Variants in RNF128 observed in about 807,000 individuals in gnomAD.
RNF128 encodes the protein E3 ubiquitin-protein ligase RNF128.
A neutral mutation model predicts 26.2 loss-of-function variants in RNF128; 13 were observed. The ratio of observed to expected loss-of-function variants is 0.50; its 90% confidence interval spans 0.32 to 0.79. The LOEUF (loss-of-function observed/expected upper bound fraction) is 0.79, where lower values mean the gene tolerates loss of function less well. Ranked by LOEUF, RNF128 falls within the 30% of genes least tolerant of loss-of-function variation. The pLI is 0.03. For missense variants in RNF128, 315 were observed against 349.7 expected (o/e 0.90, Z 0.79); for synonymous variants, 149 against 142.5 (o/e 1.05, Z -0.32).
chrX:106,776,037 C>CA (rs1211143638), intron 2 of RNF128, among the ~76,000 whole-genome samples: 5 of 111,939 alleles, frequency 4.5e-5, no homozygotes, highest in African/African-American at 1.6e-4. Context: ...TTAAACAGAA[C>CA]AAAAAAGTAT....
At chrX:106,694,290 A>G (rs746445611) in exon 1 of RNF128, 11 of 1,210,875 alleles carry the variant, frequency 9.1e-6, no homozygotes, top group Admixed American at 8.7e-5. Flanking sequence ...CGCTGATAGA[A>G]AGAGGTAATT....
intron 1 of RNF128, among the ~76,000 whole-genome samples, chrX:106,768,916 TC>T (rs773075857): frequency 8.9e-5 from 10 of 112,294 alleles, no homozygotes; most frequent in Non-Finnish European, 1.9e-4. Flanking sequence ...GTATGTTGTG[TC>T]TTTGTTCTCA....
chrX:106,757,775 T>G (rs986082277), intron 1 of RNF128, among the ~76,000 whole-genome samples: 3 of 111,744 alleles, frequency 2.7e-5, no homozygotes, highest in Non-Finnish European at 3.8e-5. Context: ...AATCTGTGTA[T>G]GCAAGGAACA....
intron 1 of RNF128, among the ~76,000 whole-genome samples, chrX:106,771,372 C>T (rs1315789268): frequency 1.8e-5 from 2 of 112,776 alleles, no homozygotes; most frequent in Non-Finnish European, 3.8e-5. Flanking sequence ...CAGAGTCAGG[C>T]AGGCCTCCTT....
intron 1 of RNF128, among the ~76,000 whole-genome samples, chrX:106,736,152 G>A (rs1490005684): frequency 1.8e-5 from 2 of 111,441 alleles, no homozygotes; most frequent in East Asian, 5.6e-4. Flanking sequence ...GGAGGAAATT[G>A]TATTAGATTA....
intron 4 of RNF128, among the ~76,000 whole-genome samples, chrX:106,788,426 TTA>T (rs1303439839): frequency 1.1e-4 from 5 of 46,546 alleles, no homozygotes; most frequent in Admixed American, 4.1e-4. Flanking sequence ...ATAATATATA[TTA>T]TATATAATAT....
At chrX:106,729,152 A>C (rs1929459543) in intron 1 of RNF128, among the ~76,000 whole-genome samples, 2 of 111,768 alleles carry the variant, frequency 1.8e-5, no homozygotes, top group East Asian at 5.6e-4. Context: ...TGATAGTTTT[A>C]GGAGACAATA....
At chrX:106,753,797 A>G (rs1929945181) in intron 1 of RNF128, among the ~76,000 whole-genome samples, 1 of 112,040 alleles carries the variant, frequency 8.9e-6, no homozygotes, top group South Asian at 3.7e-4. Context: ...AAAGAGGAGT[A>G]GCTATACTTA....
chrX:106,729,641 T>C (rs1295441119), intron 1 of RNF128, among the ~76,000 whole-genome samples: 1 of 111,318 alleles, frequency 9.0e-6, no homozygotes, highest in Non-Finnish European at 1.9e-5. Flanking sequence ...ATTTTGATAC[T>C]TTAAAAACAA....
intron 5 of RNF128, among the ~76,000 whole-genome samples, chrX:106,790,492 A>G (rs927550519): frequency 9.1e-6 from 1 of 110,441 alleles, no homozygotes; most frequent in Non-Finnish European, 1.9e-5. Context: ...TAGACTCATT[A>G]TTTGGTCAGA....
intron 1 of RNF128, among the ~76,000 whole-genome samples, chrX:106,757,730 A>G (rs1275367506): frequency 9.1e-6 from 1 of 109,991 alleles, no homozygotes; most frequent in Non-Finnish European, 1.9e-5. Flanking sequence ...AACTTAAAGT[A>G]TAATAAAAAA....
chrX:106,727,294 C>T lies in RNF128; in HGVS notation c.381C>T (p.Thr127=), dbSNP rs994052504. Residue 127 remains threonine (T), a synonymous_variant, in exon 1 of 7, where the codon ACC becomes ACT. Transcript: ENST00000255499. ...LALIQRGGGC[T]FADKIHLAYE... ...TCATCCAACGCGGCGGGGGCTGCAC[C>T]TTCGCAGACAAGATCCATCTGGCTT... 8.3e-7 allele frequency: 1 copy of T among 1,211,776 alleles called. No homozygotes were observed. The highest frequency in any genetic ancestry group is 1.7e-5 in the African/African-American group (1 of 57,824).
intron 1 of RNF128, among the ~76,000 whole-genome samples, chrX:106,735,350 T>C (rs1173162429): frequency 9.0e-6 from 1 of 111,516 alleles, no homozygotes; most frequent in Non-Finnish European, 1.9e-5. Flanking sequence ...CAATAGTTGA[T>C]ATATGTTTCT....
chrX:106,706,779 G>T (rs1929049122), intron 1 of RNF128, among the ~76,000 whole-genome samples: 2 of 112,419 alleles, frequency 1.8e-5, no homozygotes, highest in African/African-American at 6.5e-5. Context: ...TAGGGTGGTT[G>T]TAAGGATTAA....
In RNF128 at chrX:106,788,328, T is replaced by C. The variant is rs201876772; in HGVS notation, c.887+328T>C. 3.2e-4 allele frequency among the ~76,000 whole-genome samples: 18 copies of C among 55,631 alleles called. No individual in the cohort carries two copies. In the East Asian group the frequency reaches 9.4e-3, roughly 29 times the overall value. 48.3% of individuals were successfully genotyped at this position (55,631 alleles called of 115,157 possible). A position where few individuals can be genotyped will look rare whatever the true frequency, so the allele number is the denominator to read the frequency against. On this transcript the variant is annotated intron_variant, in intron 4 of 6. Transcript: ENST00000255499. The stretch of plus-strand genomic sequence containing the variant: ...TACTATATAATATGTATTAATATTA[T>C]ATATACTATATATAATATATATTAT...
At chrX:106,715,200 A>G (rs758479148) in intron 1 of RNF128, among the ~76,000 whole-genome samples, 3 of 111,954 alleles carry the variant, frequency 2.7e-5, no homozygotes, top group Non-Finnish European at 5.6e-5. Flanking sequence ...ATCCTTAACA[A>G]CATTTGGTGT....
In RNF128 at chrX:106,795,843, T is replaced by C. The variant is rs754237762; in HGVS notation, c.*130T>C. 1 of 495,471 alleles carries C rather than the reference T, an allele frequency of 2.0e-6. No individual in the cohort carries two copies. Among genetic ancestry groups the C allele is most frequent in the Non-Finnish European group, 3.1e-6 (1 of 323,535 alleles). 40.8% of individuals were successfully genotyped at this position (495,471 alleles called of 1,213,427 possible). A position where few individuals can be genotyped will look rare whatever the true frequency, so the allele number is the denominator to read the frequency against. ...ACTGAAAGTGCTCAGATGACTAATATTATGCTATAGTTAAATGGCTTAAAA... is the reference window on the plus strand; with the variant it reads ...ACTGAAAGTGCTCAGATGACTAATACTATGCTATAGTTAAATGGCTTAAAA... On this transcript the variant is annotated 3_prime_UTR_variant, in exon 7 of 7. Coordinates refer to ENST00000255499, the MANE Select transcript of RNF128 (RefSeq NM_194463.2).
chrX:106,704,285 A>T (rs915604566), intron 1 of RNF128, among the ~76,000 whole-genome samples: 1 of 109,358 alleles, frequency 9.1e-6, no homozygotes. Flanking sequence ...AAATACAAAA[A>T]AGCCAGGCGT....
chrX:106,779,798 C>A (rs937006402), intron 2 of RNF128, among the ~76,000 whole-genome samples: 1 of 110,807 alleles, frequency 9.0e-6, no homozygotes, highest in Non-Finnish European at 1.9e-5. Flanking sequence ...TAGCCTGCAC[C>A]TCCTCTTACC....
Sources: gnomAD v4.1 joint callset for allele counts (sites outside exome capture counted in the v4.1 genomes callset) on GRCh38, gnomAD v4.1.1 for gene constraint, MANE v1.5 for transcripts, NCBI Gene and HGNC (gene_info 2026-07-23, HGNC 2026-07-21) for gene names.